Variants in GABBR2 observed in about 807,000 individuals in gnomAD.
The protein encoded by GABBR2 is gamma-aminobutyric acid type B receptor subunit 2.
Under a neutral mutation model 105.6 loss-of-function variants are expected in GABBR2, and 23 were observed. The observed-to-expected ratio is 0.22, with a 90% CI of 0.16 to 0.31. The LOEUF is 0.31. Among genes scored for constraint, GABBR2 ranks in the 10% least tolerant of loss-of-function variants. The pLI is 1.00. For missense variants in GABBR2, 734 were observed against 1,245.5 expected (o/e 0.59, Z 6.18); for synonymous variants, 478 against 499.7 (o/e 0.96, Z 0.58).
In GABBR2 at chr9:98,402,187, C is replaced by T. The variant is rs77173881; in HGVS notation, c.1297+3894G>A. On this transcript the variant is annotated intron_variant, in intron 8 of 18. Coordinates refer to ENST00000259455, the MANE Select transcript of GABBR2 (RefSeq NM_005458.8). The stretch of plus-strand genomic sequence containing the variant: ...CAAATAGGCCTAATGAAGGCAGGGT[C>T]GGTGAGTTGGAGCGGCAGATGCTGA... Among the ~76,000 whole-genome samples the T allele has an allele frequency of 7.1e-4, 108 of 152,188 alleles. 2 individuals are homozygous for T. In the East Asian group the frequency reaches 0.017, roughly 24 times the overall value.
chr9:98,687,212 C>T (rs1830630468), intron 1 of GABBR2, among the ~76,000 whole-genome samples: 1 of 151,296 alleles, frequency 6.6e-6, no homozygotes. Flanking sequence ...AGAATAAGGG[C>T]ATGTGGGGAT....
chr9:98,639,721 C>G (rs1829933458), intron 1 of GABBR2, among the ~76,000 whole-genome samples: 2 of 152,228 alleles, frequency 1.3e-5, no homozygotes, highest in South Asian at 4.2e-4. Context: ...AAGCCTGTTC[C>G]CAGAGATCCA....
chr9:98,337,776 C>T (rs1485560854), intron 13 of GABBR2, among the ~76,000 whole-genome samples: 3 of 152,262 alleles, frequency 2.0e-5, no homozygotes, highest in African/African-American at 2.4e-5. Context: ...CGGTAGCTCA[C>T]GCCTATAATC....
intron 11 of GABBR2, among the ~76,000 whole-genome samples, chr9:98,373,107 A>T (rs1831814059): frequency 6.6e-6 from 1 of 152,106 alleles, no homozygotes; most frequent in South Asian, 2.1e-4. Context: ...CAAAACAGGG[A>T]GGGGGAAAGA....
chr9:98,636,964 AG>A (rs1256078104), intron 1 of GABBR2, among the ~76,000 whole-genome samples: 2 of 152,130 alleles, frequency 1.3e-5, no homozygotes, highest in African/African-American at 4.8e-5. Context: ...AGTAGAGCCA[AG>A]GAATTCTTGA....
intron 13 of GABBR2, among the ~76,000 whole-genome samples, chr9:98,343,613 A>T (rs1299073268): frequency 6.6e-6 from 1 of 152,190 alleles, no homozygotes; most frequent in Non-Finnish European, 1.5e-5. Flanking sequence ...TAATCCCAGC[A>T]CTTTGGGAGG....
At chr9:98,470,130 T>C (rs779187874) in intron 6 of GABBR2, among the ~76,000 whole-genome samples, 8 of 152,204 alleles carry the variant, frequency 5.3e-5, no homozygotes, top group East Asian at 1.9e-4. Context: ...AGGCTGAGCA[T>C]GGGGAGGGGT....
intron 1 of GABBR2, among the ~76,000 whole-genome samples, chr9:98,637,244 G>A (rs1322837793): frequency 6.6e-6 from 1 of 152,104 alleles, no homozygotes; most frequent in Non-Finnish European, 1.5e-5. Flanking sequence ...CCTACTGACT[G>A]CACGTGCTGC....
intron 1 of GABBR2, among the ~76,000 whole-genome samples, chr9:98,678,318 A>G (rs1392300230): frequency 1.3e-5 from 2 of 152,172 alleles, no homozygotes; most frequent in Admixed American, 6.5e-5. Context: ...ACTACCAACC[A>G]CTGCCAGCTC....
rs377454543 is a variant in GABBR2 at position 98,499,064 on chromosome 9, C to CT, written c.631-2551dup. 2.2e-3 allele frequency among the ~76,000 whole-genome samples: 337 copies of CT among 152,342 alleles called. 5 individuals carry two copies. The highest frequency in any genetic ancestry group is 7.8e-3 in the African/African-American group (324 of 41,570). ...AAGATGGGGGCAATACAGCAAGTAG[C>CT]TCATGGGGTTGACTCAAGGCTCAGC... On this transcript the variant is annotated intron_variant, in intron 3 of 18. Transcript: ENST00000259455.
intron 13 of GABBR2, among the ~76,000 whole-genome samples, chr9:98,351,252 G>A (rs945817292): frequency 5.9e-5 from 9 of 152,260 alleles, no homozygotes; most frequent in East Asian, 3.9e-4. Context: ...TTATTGATAA[G>A]TGCAGATTTA....
chr9:98,333,570 G>A (rs1381716550), intron 13 of GABBR2, among the ~76,000 whole-genome samples: 1 of 152,108 alleles, frequency 6.6e-6, no homozygotes, highest in Non-Finnish European at 1.5e-5. Context: ...CCCTCTATGT[G>A]TATTTTTTAT....
At chr9:98,617,532 A>G (rs1449020634) in intron 1 of GABBR2, among the ~76,000 whole-genome samples, 1 of 152,204 alleles carries the variant, frequency 6.6e-6, no homozygotes, top group Non-Finnish European at 1.5e-5. Context: ...TACGCATTAG[A>G]GACATTGCTG....
At chr9:98,399,695 A>G (rs919634942) in intron 8 of GABBR2, among the ~76,000 whole-genome samples, 4 of 151,212 alleles carry the variant, frequency 2.6e-5, no homozygotes, top group African/African-American at 7.4e-5. Flanking sequence ...GACAAAAACC[A>G]AAAGGGTTTA....
intron 3 of GABBR2, among the ~76,000 whole-genome samples, chr9:98,520,944 CA>C (rs1827853289): frequency 6.6e-6 from 1 of 152,116 alleles, no homozygotes; most frequent in South Asian, 2.1e-4. Context: ...ACTATAAAAC[CA>C]GATATGAAGA....
At chr9:98,586,762 T>G (rs1385498089) in intron 1 of GABBR2, among the ~76,000 whole-genome samples, 1 of 152,268 alleles carries the variant, frequency 6.6e-6, no homozygotes, top group African/African-American at 2.4e-5. Context: ...TTTTTGCCGC[T>G]GAATATAGCT....
At chr9:98,532,477 A>G (rs1212570946) in intron 3 of GABBR2, among the ~76,000 whole-genome samples, 1 of 152,202 alleles carries the variant, frequency 6.6e-6, no homozygotes, top group Non-Finnish European at 1.5e-5. Context: ...CTAATGATAA[A>G]AGATCTGCAG....
chr9:98,482,303 C>T (rs1247862357), intron 4 of GABBR2, among the ~76,000 whole-genome samples: 1 of 152,170 alleles, frequency 6.6e-6, no homozygotes, highest in Non-Finnish European at 1.5e-5. Flanking sequence ...ATTCTAAAAT[C>T]ATCTTTCGTT....
chr9:98,458,944 T>C (rs762664470), intron 6 of GABBR2, among the ~76,000 whole-genome samples: 30 of 152,248 alleles, frequency 2.0e-4, no homozygotes, highest in Non-Finnish European at 4.1e-4. Context: ...TCCTCCAGTA[T>C]TGGGAAGCTC....
Sources: allele counts gnomAD v4.1 joint callset (sites outside exome capture counted in the v4.1 genomes callset), GRCh38; gene constraint gnomAD v4.1.1; transcripts MANE v1.5; gene names NCBI Gene and HGNC (gene_info 2026-07-23, HGNC 2026-07-21).